Variants in CTNNA3 observed in about 807,000 individuals in gnomAD.
CTNNA3 encodes the protein catenin alpha 3, also known as catenin alpha-3.
Under a neutral mutation model 95.7 loss-of-function variants are expected in CTNNA3, and 76 were observed. That is an observed-to-expected ratio of 0.79 (90% confidence interval 0.66 to 0.96). The LOEUF (loss-of-function observed/expected upper bound fraction) is 0.96, where lower values mean the gene tolerates loss of function less well. Among genes scored for constraint, CTNNA3 ranks in the 40% least tolerant of loss-of-function variants. The pLI is 0.00. For missense variants in CTNNA3, 1,191 were observed against 1,089.8 expected, an observed-to-expected ratio of 1.09 and a Z score of -1.31; for synonymous variants, 431 against 374.4, an observed-to-expected ratio of 1.15 and a Z score of -1.74.
chr10:66,715,264 A>C (rs1173455606), intron 9 of CTNNA3, among the ~76,000 whole-genome samples: 1 of 152,102 alleles, frequency 6.6e-6, no homozygotes, highest in Non-Finnish European at 1.5e-5. Flanking sequence ...CTGGGCAAGG[A>C]GGCATAGGAA....
chr10:65,973,756 G>C (rs878965324), intron 16 of CTNNA3, among the ~76,000 whole-genome samples: 1 of 152,024 alleles, frequency 6.6e-6, no homozygotes, highest in Admixed American at 6.6e-5. Context: ...AGGGAAGTGG[G>C]AGGTGCCACA....
intron 5 of CTNNA3, among the ~76,000 whole-genome samples, chr10:67,344,708 T>C (rs796994958): frequency 2.6e-5 from 4 of 152,200 alleles, no homozygotes; most frequent in African/African-American, 9.6e-5. Context: ...CTTTTTCATA[T>C]GTGATTTTAT....
chr10:66,292,514 T>C (rs985349179), intron 12 of CTNNA3, among the ~76,000 whole-genome samples: 48 of 150,384 alleles, frequency 3.2e-4, no homozygotes, highest in African/African-American at 1.1e-3. Flanking sequence ...AAAGTTTGCT[T>C]CTCAAACCTT....
chr10:67,362,612 A>G (rs1433999485), intron 5 of CTNNA3, among the ~76,000 whole-genome samples: 2 of 152,058 alleles, frequency 1.3e-5, no homozygotes, highest in Non-Finnish European at 2.9e-5. Flanking sequence ...TCTCAAAATA[A>G]TAATAGCCAT....
chr10:67,330,410 G>A (rs1379437340), intron 5 of CTNNA3, among the ~76,000 whole-genome samples: 1 of 152,284 alleles, frequency 6.6e-6, no homozygotes, highest in East Asian at 1.9e-4. Context: ...ATAACAGTAA[G>A]ATCTACTCCT....
intron 2 of CTNNA3, among the ~76,000 whole-genome samples, chr10:67,608,036 TGA>T (rs1564779477): frequency 2.0e-5 from 3 of 152,052 alleles, no homozygotes; most frequent in Non-Finnish European, 4.4e-5. Flanking sequence ...GGGAATACAG[TGA>T]GAGAGAGTGG....
intron 17 of CTNNA3, among the ~76,000 whole-genome samples, chr10:65,942,454 A>G (rs1168373885): frequency 6.6e-6 from 1 of 152,142 alleles, no homozygotes; most frequent in African/African-American, 2.4e-5. Context: ...GCTTGAACCC[A>G]GGAGGCAGAG....
chr10:67,235,926 G>A (rs1249031362), intron 5 of CTNNA3, among the ~76,000 whole-genome samples: 1 of 146,104 alleles, frequency 6.8e-6, no homozygotes, highest in Admixed American at 6.7e-5. Context: ...ACCATCACTG[G>A]CCATCAGAGA....
At position 66,541,731 on chromosome 10, in the gene CTNNA3, C is replaced by T. The variant is rs139504695; in HGVS notation, c.1375-20958G>A. On this transcript the variant is annotated intron_variant, in intron 10 of 17. Transcript: ENST00000433211. ...TCTTAGATTGTGAAACATGCACTTA[C>T]CCCAAGAGAGAAGTCTCCTCATTCT... Among the ~76,000 whole-genome samples the T allele has an allele frequency of 2.3e-4, 35 of 152,136 alleles. 1 individual carries two copies. The East Asian group carries it at 6.4e-3, about 28-fold the overall frequency.
chr10:66,172,279 T>C (rs1403526934), intron 13 of CTNNA3, among the ~76,000 whole-genome samples: 1 of 152,168 alleles, frequency 6.6e-6, no homozygotes, highest in Non-Finnish European at 1.5e-5. Flanking sequence ...AAACACAAAT[T>C]TATGTAATGA....
At chr10:66,960,813 G>A (rs1164534571) in intron 7 of CTNNA3, among the ~76,000 whole-genome samples, 4 of 152,208 alleles carry the variant, frequency 2.6e-5, no homozygotes, top group African/African-American at 9.6e-5. Context: ...CCTTAGAAAA[G>A]GGGGGATGGT....
intron 7 of CTNNA3, among the ~76,000 whole-genome samples, chr10:66,833,318 G>A (rs1194244563): frequency 6.6e-6 from 1 of 152,134 alleles, no homozygotes; most frequent in Non-Finnish European, 1.5e-5. Context: ...CTGTTCAGTA[G>A]GCATTGAATC....
chr10:67,508,186 T>C (rs1200376708), intron 5 of CTNNA3, among the ~76,000 whole-genome samples: 1 of 152,224 alleles, frequency 6.6e-6, no homozygotes, highest in East Asian at 1.9e-4. Flanking sequence ...CTAATTTTTG[T>C]ATTTTATCAG....
chr10:66,944,276 T>C (rs1187365996), intron 7 of CTNNA3, among the ~76,000 whole-genome samples: 1 of 152,206 alleles, frequency 6.6e-6, no homozygotes, highest in Non-Finnish European at 1.5e-5. Flanking sequence ...CAGGAGAAGA[T>C]TTTATCTCAA....
At chr10:67,674,298 C>A (rs143316042) in intron 1 of CTNNA3, among the ~76,000 whole-genome samples, 1 of 152,090 alleles carries the variant, frequency 6.6e-6, no homozygotes, top group Non-Finnish European at 1.5e-5. Flanking sequence ...GAGGGGCAAC[C>A]ATGTGAGAAA....
chr10:67,039,006 A>G (rs1304640885), intron 7 of CTNNA3, among the ~76,000 whole-genome samples: 2 of 152,110 alleles, frequency 1.3e-5, no homozygotes, highest in African/African-American at 4.8e-5. Context: ...ATTGGAATCC[A>G]AACAGTAGAA....
chr10:66,805,777 T>C (rs1481979938), intron 7 of CTNNA3, among the ~76,000 whole-genome samples: 1 of 152,010 alleles, frequency 6.6e-6, no homozygotes, highest in African/African-American at 2.4e-5. Context: ...AGATAATGTT[T>C]TGAAAGAGTT....
intron 11 of CTNNA3, among the ~76,000 whole-genome samples, chr10:66,454,548 A>G (rs4579830): frequency 0.27 from 41,406 of 151,882 alleles, 5,826 homozygotes; most frequent in South Asian, 0.39. Flanking sequence ...AGAAATATAT[A>G]CTCTGAATAT....
intron 5 of CTNNA3, among the ~76,000 whole-genome samples, chr10:67,299,361 G>A (rs1231114128): frequency 1.3e-5 from 2 of 151,984 alleles, no homozygotes; most frequent in Non-Finnish European, 2.9e-5. Flanking sequence ...TATATTCTGA[G>A]ACTAAGAAAT....
Sources: gnomAD v4.1 joint callset for allele counts (sites outside exome capture counted in the v4.1 genomes callset) on GRCh38, gnomAD v4.1.1 for gene constraint, MANE v1.5 for transcripts, NCBI Gene and HGNC (gene_info 2026-07-23, HGNC 2026-07-21) for gene names.